The following GUCY1A2 variants were observed in gnomAD, a reference collection of about 807,000 sequenced individuals.
GUCY1A2 encodes guanylate cyclase soluble subunit alpha-2.
Under a neutral mutation model 63.5 loss-of-function variants are expected in GUCY1A2, and 27 were observed. The ratio of observed to expected loss-of-function variants is 0.43; its 90% confidence interval spans 0.31 to 0.59. The LOEUF (loss-of-function observed/expected upper bound fraction) is 0.59. Among genes scored for constraint, GUCY1A2 ranks in the 20% least tolerant of loss-of-function variants. The pLI is 0.11. For synonymous variants in GUCY1A2, 364 were observed against 343.5 expected (o/e 1.06, Z -0.66); for missense variants, 768 against 913.3 (o/e 0.84, Z 2.05).
At chr11:106,800,034 C>G (rs1430251207) in intron 5 of GUCY1A2, among the ~76,000 whole-genome samples, 1 of 152,132 alleles carries the variant, frequency 6.6e-6, no homozygotes, top group African/African-American at 2.4e-5. Flanking sequence ...AGAACTCAAA[C>G]AAATTTACAA....
At chr11:106,737,098 T>C (rs769898402) in intron 6 of GUCY1A2, among the ~76,000 whole-genome samples, 8 of 152,188 alleles carry the variant, frequency 5.3e-5, no homozygotes, top group Non-Finnish European at 7.3e-5. Context: ...ACTCAAACTG[T>C]CATTGCTTTT....
chr11:106,961,406 T>A (rs1199448355), intron 3 of GUCY1A2, among the ~76,000 whole-genome samples: 1 of 152,182 alleles, frequency 6.6e-6, no homozygotes, highest in Non-Finnish European at 1.5e-5. Flanking sequence ...GATGTCTGAA[T>A]GTGGATCTTT....
At chr11:106,709,161 TAA>T (rs1286221697) in intron 6 of GUCY1A2, among the ~76,000 whole-genome samples, 1 of 132,426 alleles carries the variant, frequency 7.6e-6, no homozygotes, top group Non-Finnish European at 1.6e-5. Flanking sequence ...TACATGTATA[TAA>T]TATATATAAC....
At chr11:106,774,201 CGGTTCACGGCAACCTCTGCCTCCCG>C (rs1035780428) in intron 6 of GUCY1A2, among the ~76,000 whole-genome samples, 3 of 151,836 alleles carry the variant, frequency 2.0e-5, no homozygotes, top group Non-Finnish European at 4.4e-5. Context: ...TGGCGCATCT[CGGTTCACGGCAACCTCTGCCTCCCG>C]GGTTCACGCC....
At chr11:106,921,393 C>G (rs1333373921) in intron 4 of GUCY1A2, among the ~76,000 whole-genome samples, 7 of 151,928 alleles carry the variant, frequency 4.6e-5, no homozygotes, top group Non-Finnish European at 1.0e-4. Flanking sequence ...GATCTTAAGA[C>G]AAAATGTGGT....
chr11:106,788,469 T>C (rs1864603557), intron 5 of GUCY1A2, among the ~76,000 whole-genome samples: 1 of 152,196 alleles, frequency 6.6e-6, no homozygotes, highest in Admixed American at 6.5e-5. Flanking sequence ...CCCACTCCAA[T>C]GTCCTGAAGA....
At chr11:106,783,890 C>T in intron 5 of GUCY1A2, among the ~76,000 whole-genome samples, 1 of 152,102 alleles carries the variant, frequency 6.6e-6, no homozygotes. Context: ...TTTGATGAAT[C>T]TGTGGTCTCA....
At chr11:107,006,359 A>G (rs535497237) in intron 1 of GUCY1A2, among the ~76,000 whole-genome samples, 18 of 152,336 alleles carry the variant, frequency 1.2e-4, no homozygotes, top group African/African-American at 4.3e-4. Context: ...AGAGATGGGA[A>G]GTGGAGACAA....
At chr11:106,866,538 T>A (rs1052922286) in intron 4 of GUCY1A2, among the ~76,000 whole-genome samples, 1 of 152,118 alleles carries the variant, frequency 6.6e-6, no homozygotes, top group Non-Finnish European at 1.5e-5. Context: ...GATGAGCCAC[T>A]GAAAATCGCC....
At chr11:106,997,395 C>T (rs1241124414) in intron 1 of GUCY1A2, among the ~76,000 whole-genome samples, 4 of 152,108 alleles carry the variant, frequency 2.6e-5, no homozygotes, top group African/African-American at 9.7e-5. Flanking sequence ...AAGCCCAGAG[C>T]ATACAAACAT....
chr11:106,776,549 C>A lies in GUCY1A2; in HGVS notation c.1726G>T (p.Ala576Ser), dbSNP rs1428098734. ...CAGAGGCTTTTTCTGTGGAGCCCTG[C>A]TGCAACACAGTAGGCATCACCTATT... ...ETIGDAYCVA[A>S]GLHRKSLCHA... Residue 576 changes from alanine to serine, a missense_variant, in exon 6 of 8, where the codon GCA becomes TCA. Around this residue, in one of 3 missense-constraint regions of GUCY1A2, gnomAD observed 122 missense variants for 238.1 expected, o/e 0.51. Coordinates refer to ENST00000526355, the MANE Select transcript of GUCY1A2 (RefSeq NM_000855.3). The A allele has an allele frequency of 6.2e-7, 1 of 1,613,400 alleles. No individual in the cohort carries two copies.
At chr11:106,690,227 T>C (rs1862598990) in intron 7 of GUCY1A2, among the ~76,000 whole-genome samples, 1 of 152,184 alleles carries the variant, frequency 6.6e-6, no homozygotes. Flanking sequence ...ATGTGTATGT[T>C]AATTGCAGCA....
At chr11:106,800,544 A>G (rs1263870916) in intron 5 of GUCY1A2, among the ~76,000 whole-genome samples, 7 of 152,296 alleles carry the variant, frequency 4.6e-5, no homozygotes, top group African/African-American at 1.7e-4. Flanking sequence ...TACACCATGG[A>G]ATACTATGCA....
intron 3 of GUCY1A2, among the ~76,000 whole-genome samples, chr11:106,956,495 G>A (rs1024656042): frequency 1.2e-4 from 18 of 152,018 alleles, no homozygotes; most frequent in Non-Finnish European, 7.4e-5. Context: ...TGTTGATGCT[G>A]TTGTCACTTT....
At chr11:106,797,220 C>A (rs1426380226) in intron 5 of GUCY1A2, among the ~76,000 whole-genome samples, 1 of 152,102 alleles carries the variant, frequency 6.6e-6, no homozygotes, top group Admixed American at 6.6e-5. Context: ...TGTGTTCGAA[C>A]TTCCTCCTTT....
At chr11:106,696,188 T>C (rs1157440094) in intron 7 of GUCY1A2, among the ~76,000 whole-genome samples, 1 of 152,202 alleles carries the variant, frequency 6.6e-6, no homozygotes, top group Non-Finnish European at 1.5e-5. Flanking sequence ...TCTACCCCAT[T>C]GACTTCTCTG....
Position 106,960,032 on chromosome 11 carries a change from T to C in GUCY1A2, c.487+18587A>G, listed in dbSNP as rs567904230. The stretch of plus-strand genomic sequence containing the variant: ...TAGAGCTACAGCAACATCGCAAACA[T>C]TTTCCCATGCTGTAGCATAATCTTT... On this transcript the variant is annotated intron_variant, in intron 3 of 7. Transcript: ENST00000526355. Among the ~76,000 whole-genome samples, 414 of 139,500 alleles carry C rather than the reference T, an allele frequency of 3.0e-3. 9 individuals carry two copies. Among genetic ancestry groups the C allele is most frequent in the Non-Finnish European group, 1.8e-3 (112 of 62,946 alleles). 91.5% of individuals were successfully genotyped at this position (139,500 alleles called of 152,430 possible). A position where few individuals can be genotyped will look rare whatever the true frequency, so the allele number is the denominator to read the frequency against.
chr11:106,902,849 G>A (rs1565326278), intron 4 of GUCY1A2, among the ~76,000 whole-genome samples: 1 of 152,072 alleles, frequency 6.6e-6, no homozygotes, highest in Admixed American at 6.6e-5. Context: ...AAGTATACAG[G>A]AGGATGTGCA....
Position 106,754,751 on chromosome 11 carries a change from G to T in GUCY1A2, c.1836+21688C>A, listed in dbSNP as rs570834683. ...GCTTTTTGATGTGCTGCTGGATTTG[G>T]TTTGCCAGTATTTTATTGAGGATTT... is the stretch of plus-strand genomic sequence containing the variant. On this transcript the variant is annotated intron_variant, in intron 6 of 7. Coordinates refer to ENST00000526355, the MANE Select transcript of GUCY1A2 (RefSeq NM_000855.3). 3.3e-5 allele frequency among the ~76,000 whole-genome samples: 5 copies of T among 152,248 alleles called. No individual in the cohort carries two copies. In the South Asian group the frequency reaches 1.0e-3, roughly 32 times the overall value.
Sources: gnomAD v4.1 joint callset for allele counts (sites outside exome capture counted in the v4.1 genomes callset) on GRCh38, gnomAD v4.1.1 for gene constraint, gnomAD v4.1.1 regional missense constraint, MANE v1.5 for transcripts, NCBI Gene and HGNC (gene_info 2026-07-23, HGNC 2026-07-21) for gene names.